IL1R1: variants seen among roughly 807,000 people sequenced by gnomAD.
The protein encoded by IL1R1 is interleukin-1 receptor type 1.
IL1R1 carries 22 observed loss-of-function variants against 50.2 expected under a neutral mutation model. That is an observed-to-expected ratio of 0.44 (90% confidence interval 0.31 to 0.63). The LOEUF is 0.63. Among genes scored for constraint, IL1R1 ranks in the 20% least tolerant of loss-of-function variants. The pLI is 0.07. For synonymous variants in IL1R1, 251 were observed against 236.7 expected (o/e 1.06, Z -0.55); for missense variants, 509 against 676.2 (o/e 0.75, Z 2.74).
chr2:102,110,955 G>A (rs994102950), intron 1 of IL1R1, among the ~76,000 whole-genome samples: 21 of 152,148 alleles, frequency 1.4e-4, no homozygotes, highest in African/African-American at 4.8e-4. Flanking sequence ...GGCTCGAGGT[G>A]GAGTGATGAA....
upstream of IL1R1, among the ~76,000 whole-genome samples, chr2:102,141,587 A>G (rs961583691): frequency 3.3e-5 from 5 of 152,184 alleles, no homozygotes; most frequent in African/African-American, 9.7e-5. Flanking sequence ...TCATTCCTTC[A>G]TCTTTTCCTC....
intron 1 of IL1R1, among the ~76,000 whole-genome samples, chr2:102,106,890 AC>A (rs1206688497): frequency 3.9e-5 from 6 of 152,160 alleles, no homozygotes; most frequent in African/African-American, 1.2e-4. Flanking sequence ...TATTAACAGT[AC>A]TACAACTATG....
chr2:102,090,075 C>A lies in IL1R1; in HGVS notation c.-84+19542C>A, dbSNP rs569781013. Among the ~76,000 whole-genome samples the A allele has an allele frequency of 2.2e-3, 329 of 151,970 alleles. 2 individuals carry two copies. Among genetic ancestry groups the A allele is most frequent in the African/African-American group, 7.7e-3 (318 of 41,432 alleles). On this transcript the variant is annotated intron_variant, in intron 1 of 11. Coordinates refer to the IL1R1 transcript ENST00000409929. ...GGTCTCGATCTCCTGACCTCATGAT[C>A]CGCCTGCCTCAGCCTCCCAAAGGGC...
intron 1 of IL1R1, among the ~76,000 whole-genome samples, chr2:102,128,753 G>T (rs1010501184): frequency 2.0e-5 from 3 of 152,160 alleles, no homozygotes; most frequent in Non-Finnish European, 4.4e-5. Context: ...ACACACAATG[G>T]CAGTGGTCAG....
chr2:102,151,291 G>C (rs1161788020), intron 1 of IL1R1, among the ~76,000 whole-genome samples: 5 of 152,004 alleles, frequency 3.3e-5, no homozygotes, highest in African/African-American at 1.2e-4. Context: ...GCCATCTCCA[G>C]ACCCCAGTGA....
chr2:102,168,110 G>A (rs941080599), intron 6 of IL1R1, among the ~76,000 whole-genome samples: 2 of 151,934 alleles, frequency 1.3e-5, no homozygotes, highest in Non-Finnish European at 2.9e-5. Flanking sequence ...TAATTTCTGG[G>A]GCTTCTTGAT....
intron 1 of IL1R1, among the ~76,000 whole-genome samples, chr2:102,143,568 C>T (rs111833819): frequency 0.015 from 2,289 of 152,330 alleles, 67 homozygotes; most frequent in African/African-American, 0.05. Context: ...CTTTTACCCT[C>T]CCTACAGTCT....
At chr2:102,080,271 ACTCT>A (rs1387883080) in intron 1 of IL1R1, among the ~76,000 whole-genome samples, 2 of 152,188 alleles carry the variant, frequency 1.3e-5, no homozygotes, top group African/African-American at 4.8e-5. Context: ...GTTTTAAAGT[ACTCT>A]CTTAAGAAAG....
intron 1 of IL1R1, among the ~76,000 whole-genome samples, chr2:102,082,535 A>G (rs1176555768): frequency 6.6e-6 from 1 of 152,228 alleles, no homozygotes; most frequent in Non-Finnish European, 1.5e-5. Flanking sequence ...TCTTAGGAAT[A>G]GTGTCATGAT....
At chr2:102,142,445 G>T (rs1263279823), upstream of IL1R1, 2 of 152,150 alleles carry the variant, frequency 1.3e-5, no homozygotes, top group Admixed American at 6.5e-5. Context: ...GAGCCAGGTC[G>T]TAGTGGCTAG....
intron 3 of IL1R1, among the ~76,000 whole-genome samples, chr2:102,161,056 T>A (rs1445244212): frequency 6.6e-6 from 1 of 152,212 alleles, no homozygotes; most frequent in African/African-American, 2.4e-5. Flanking sequence ...TTGAAATTTT[T>A]AAAAAATATA....
At chr2:102,104,086 A>G (rs574561114), upstream of IL1R1, among the ~76,000 whole-genome samples, 20 of 151,202 alleles carry the variant, frequency 1.3e-4, no homozygotes, top group African/African-American at 4.9e-4. Flanking sequence ...TCCAGCTTTC[A>G]TCTCCCTGAG....
At chr2:102,174,557 T>G (rs199537286) in intron 9 of IL1R1, 30 bp from the exon 10 acceptor site, 12 of 1,521,348 alleles carry the variant, frequency 7.9e-6, no homozygotes, top group Non-Finnish European at 1.1e-5. Flanking sequence ...TTCTAATATT[T>G]TTTCTCCTTT....
At chr2:102,176,232 G>T (rs1686120341) in intron 11 of IL1R1, 121 bp from the exon 12 acceptor site, 2 of 747,798 alleles carry the variant, frequency 2.7e-6, no homozygotes, top group South Asian at 3.9e-5. Flanking sequence ...TTAATTTTAA[G>T]TAAGACAAGA....
intron 6 of IL1R1, among the ~76,000 whole-genome samples, 185 bp downstream of exon 6, chr2:102,166,466 G>T (rs1685192078): frequency 6.6e-6 from 1 of 152,094 alleles, no homozygotes; most frequent in Admixed American, 6.6e-5. Context: ...TTCCATTCCT[G>T]CTTCAGATGT....
chr2:102,150,342 G>A (rs1386131618), intron 1 of IL1R1, among the ~76,000 whole-genome samples: 2 of 151,936 alleles, frequency 1.3e-5, no homozygotes, highest in African/African-American at 4.8e-5. Context: ...TGTTGGATGA[G>A]GTCAGTATTT....
At chr2:102,102,109 G>T (rs536179626), upstream of IL1R1, among the ~76,000 whole-genome samples, 194 of 152,282 alleles carry the variant, frequency 1.3e-3, 1 homozygote, top group African/African-American at 4.5e-3. Context: ...GGAAAAGAGG[G>T]CTGGAAAAGT....
chr2:102,165,288 A>C lies in IL1R1; in HGVS notation c.470A>C (p.Lys157Thr), dbSNP rs1198782264. 3.2e-6 allele frequency: 5 copies of C among 1,557,570 alleles called. No individual in the cohort carries two copies. The highest frequency in any genetic ancestry group is 2.6e-6 in the Non-Finnish European group (3 of 1,151,918). Reference sequence around the variant, plus strand: ...AAAAATGAAAATAATGAGTTACCTAAATTACAGTGGTATAAGGTAATTTTA... The same window carrying C: ...AAAAATGAAAATAATGAGTTACCTACATTACAGTGGTATAAGGTAATTTTA... ...FFKNENNELPKLQWYKDCKPL... is the reference protein window; with the variant it reads ...FFKNENNELPTLQWYKDCKPL... Residue 157 changes from lysine (K) to threonine (T), a missense_variant, in exon 5 of 12, where the codon AAA becomes ACA. Lys to Thr is a moderately conservative substitution (Grantham distance 78). Transcript: ENST00000410023.
intron 2 of IL1R1, among the ~76,000 whole-genome samples, chr2:102,157,023 C>T (rs933091834): frequency 6.6e-5 from 10 of 152,162 alleles, no homozygotes; most frequent in Non-Finnish European, 1.2e-4. Context: ...CTACTCTAGA[C>T]ATTGCTCCTA....
Sources: gnomAD v4.1 joint callset for allele counts (sites outside exome capture counted in the v4.1 genomes callset) on GRCh38, gnomAD v4.1.1 for gene constraint, MANE v1.5 for transcripts, NCBI Gene and HGNC (gene_info 2026-07-23, HGNC 2026-07-21) for gene names.